Variants in WDR41 observed in about 807,000 individuals in gnomAD.
WDR41 encodes the protein WD repeat domain 41.
WDR41 carries 63 observed loss-of-function variants against 69.3 expected under a neutral mutation model. The observed-to-expected ratio is 0.91, with a 90% confidence interval of 0.74 to 1.12. The LOEUF is 1.12. Ranked by LOEUF, WDR41 falls within the 50% of genes most tolerant of loss-of-function variation. The pLI is 0.00. For synonymous variants in WDR41, 185 were observed against 192.1 expected (o/e 0.96, Z 0.31); for missense variants, 543 against 534.5 (o/e 1.02, Z -0.16).
At chr5:77,486,163 G>A (rs1437173529) in intron 2 of WDR41, among the ~76,000 whole-genome samples, 1 of 152,060 alleles carries the variant, frequency 6.6e-6, no homozygotes, top group African/African-American at 2.4e-5. Context: ...TCCTTCTTAC[G>A]AAGATGACTC....
At chr5:77,558,637 C>T (rs1743459406) in intron 1 of WDR41, among the ~76,000 whole-genome samples, 3 of 152,188 alleles carry the variant, frequency 2.0e-5, no homozygotes. Flanking sequence ...AATAAGTCTT[C>T]TGCATAGAGA....
intron 1 of WDR41, 177 bp downstream of exon 1, chr5:77,491,993 C>G: frequency 2.6e-6 from 2 of 774,442 alleles, no homozygotes; most frequent in African/African-American, 3.7e-5. Flanking sequence ...GTCTGAGGAG[C>G]TCCGGCTCCC....
chr5:77,522,195 T>C (rs1802380925), intron 1 of WDR41, among the ~76,000 whole-genome samples: 1 of 152,208 alleles, frequency 6.6e-6, no homozygotes, highest in African/African-American at 2.4e-5. Flanking sequence ...GATGTACAGA[T>C]AGGCTGTGGC....
intron 1 of WDR41, among the ~76,000 whole-genome samples, chr5:77,563,799 T>C (rs879027783): frequency 6.6e-6 from 1 of 152,216 alleles, no homozygotes; most frequent in African/African-American, 2.4e-5. Context: ...AAAATTTTCA[T>C]GAATTTTTAA....
At chr5:77,540,597 T>C (rs1185474432) in intron 1 of WDR41, 1 of 152,044 alleles carries the variant, frequency 6.6e-6, no homozygotes, top group Non-Finnish European at 1.5e-5. Flanking sequence ...CCCAGGCTCG[T>C]AGGGAGGATG....
intron 1 of WDR41, among the ~76,000 whole-genome samples, chr5:77,611,081 A>T (rs1319966128): frequency 6.6e-6 from 1 of 152,140 alleles, no homozygotes; most frequent in Non-Finnish European, 1.5e-5. Context: ...AATGGTAAAG[A>T]GATCAATTCA....
intron 1 of WDR41, among the ~76,000 whole-genome samples, chr5:77,520,470 C>T (rs1802355221): frequency 6.6e-6 from 1 of 152,148 alleles, no homozygotes; most frequent in South Asian, 2.1e-4. Flanking sequence ...AGAAGTCACA[C>T]AAGCAACACC....
intron 1 of WDR41, among the ~76,000 whole-genome samples, chr5:77,612,574 C>T (rs1452618696): frequency 1.3e-5 from 2 of 152,116 alleles, no homozygotes; most frequent in Non-Finnish European, 2.9e-5. Flanking sequence ...GCAGAAAAGG[C>T]CTTTGACAAA....
chr5:77,548,597 A>C (rs1248287853), intron 1 of WDR41, among the ~76,000 whole-genome samples: 1 of 152,220 alleles, frequency 6.6e-6, no homozygotes, highest in Non-Finnish European at 1.5e-5. Flanking sequence ...TACTTCTGCT[A>C]GAATGGCCAT....
intron 1 of WDR41, chr5:77,491,912 C>T: frequency 3.9e-6 from 2 of 513,824 alleles, no homozygotes; most frequent in Non-Finnish European, 6.9e-6. Flanking sequence ...GAGCCAGGAT[C>T]TCACGATTCA....
chr5:77,572,397 C>T (rs1179822699), intron 1 of WDR41, among the ~76,000 whole-genome samples: 2 of 152,160 alleles, frequency 1.3e-5, no homozygotes, highest in African/African-American at 2.4e-5. Context: ...ATTTTAAAAG[C>T]TCTCAAGAGT....
At chr5:77,561,766 A>G (rs144993616) in intron 1 of WDR41, among the ~76,000 whole-genome samples, 13 of 152,334 alleles carry the variant, frequency 8.5e-5, no homozygotes, top group African/African-American at 3.1e-4. Flanking sequence ...AATCAAATGA[A>G]AACTATTTTT....
intron 1 of WDR41, among the ~76,000 whole-genome samples, chr5:77,542,784 G>A (rs1400488633): frequency 1.3e-5 from 2 of 152,154 alleles, no homozygotes; most frequent in Admixed American, 6.5e-5. Context: ...GCTCCAACTC[G>A]GATGGACAGA....
intron 1 of WDR41, among the ~76,000 whole-genome samples, chr5:77,526,190 T>C (rs1802443471): frequency 1.3e-5 from 2 of 152,202 alleles, no homozygotes; most frequent in South Asian, 4.1e-4. Flanking sequence ...ACACTTGTTT[T>C]ATCCCTCTTT....
At chr5:77,559,224 C>A (rs1405847399) in intron 1 of WDR41, among the ~76,000 whole-genome samples, 1 of 152,162 alleles carries the variant, frequency 6.6e-6, no homozygotes, top group African/African-American at 2.4e-5. Flanking sequence ...CAATTTCAAG[C>A]TACCAATTTG....
intron 1 of WDR41, among the ~76,000 whole-genome samples, chr5:77,558,466 G>A (rs1485520283): frequency 6.6e-6 from 1 of 152,132 alleles, no homozygotes; most frequent in South Asian, 2.1e-4. Context: ...AAAGAGCCTC[G>A]CTGACCTGCA....
In WDR41 at chr5:77,605,265, G is replaced by C. The variant is rs140619389; in HGVS notation, c.42+15214C>G. Among the ~76,000 whole-genome samples the C allele has an allele frequency of 2.4e-4, 37 of 152,210 alleles. 1 individual carries two copies. Among genetic ancestry groups the C allele is most frequent in the Non-Finnish European group, 4.7e-4 (32 of 68,020 alleles). Reference sequence around the variant, plus strand: ...CACATTCTGTCTGCTCCTTACTGTTGTCTGCCCTAAATTCTCAAAGCCTTC... The same window carrying C: ...CACATTCTGTCTGCTCCTTACTGTTCTCTGCCCTAAATTCTCAAAGCCTTC... On this transcript the variant is annotated intron_variant, in intron 1 of 5. Coordinates refer to the WDR41 transcript ENST00000509971.
chr5:77,577,106 C>T (rs1259146015), intron 1 of WDR41, among the ~76,000 whole-genome samples: 4 of 152,120 alleles, frequency 2.6e-5, no homozygotes, highest in African/African-American at 9.7e-5. Flanking sequence ...CAGTCTCTGC[C>T]TTCTGTGTTC....
chr5:77,533,382 A>G (rs552664506), intron 1 of WDR41, among the ~76,000 whole-genome samples: 3 of 152,356 alleles, frequency 2.0e-5, no homozygotes, highest in African/African-American at 7.2e-5. Context: ...TCTAAAAAAA[A>G]TAGAGTAACA....
Sources: allele counts gnomAD v4.1 joint callset (sites outside exome capture counted in the v4.1 genomes callset), GRCh38; gene constraint gnomAD v4.1.1; transcripts MANE v1.5; gene names NCBI Gene and HGNC (gene_info 2026-07-23, HGNC 2026-07-21).